PRELID2: variants seen among roughly 807,000 people sequenced by gnomAD.
PRELID2 encodes PRELI domain containing 2.
In PRELID2, 25 loss-of-function variants were observed where a neutral mutation model predicts 28.4. The observed-to-expected ratio is 0.88, with a 90% confidence interval of 0.64 to 1.23. PRELID2 has a LOEUF of 1.23. Among genes scored for constraint, PRELID2 ranks in the 50% most tolerant of loss-of-function variants. PRELID2 has a pLI of 0.00. For missense variants in PRELID2, 201 were observed against 214.4 expected (o/e 0.94, Z 0.39); for synonymous variants, 76 against 71.6 (o/e 1.06, Z -0.31).
the PRELID2 span, among the ~76,000 whole-genome samples, chr5:145,329,368 G>A: frequency 6.6e-6 from 1 of 152,076 alleles, no homozygotes; most frequent in Non-Finnish European, 1.5e-5. Flanking sequence ...AATTACTTTG[G>A]GCAGTATGGC....
intron 1 of PRELID2, among the ~76,000 whole-genome samples, chr5:145,522,216 G>A (rs1752568354): frequency 6.6e-6 from 1 of 151,972 alleles, no homozygotes; most frequent in South Asian, 2.1e-4. Flanking sequence ...CTTTCTTCAA[G>A]ACCATTTATT....
In PRELID2 at chr5:145,726,320, A is replaced by AG. The variant is rs879554703; in HGVS notation, n.70+38610_70+38611insC. 3.6e-3 allele frequency among the ~76,000 whole-genome samples: 515 copies of AG among 142,424 alleles called. 2 individuals carry two copies. The highest frequency in any genetic ancestry group is 0.013 in the African/African-American group (456 of 34,856). 93.4% of individuals were successfully genotyped at this position (142,424 alleles called of 152,430 possible). The stretch of plus-strand genomic sequence containing the variant: ...AAGAAAAAGAAAGAGAGAGAGAGAG[A>AG]AAGAGAGAAAGAGAAAGAAAAGGGA... On this transcript the variant is annotated intron_variant and non_coding_transcript_variant, in intron 1 of 2. Transcript: ENST00000510259.
intron 1 of PRELID2, among the ~76,000 whole-genome samples, chr5:145,546,584 TG>T (rs1355338392): frequency 6.6e-6 from 1 of 152,140 alleles, no homozygotes; most frequent in Non-Finnish European, 1.5e-5. Flanking sequence ...TACCAGAGAC[TG>T]TCTGGCCAGA....
chr5:145,488,742 G>A, intron 1 of PRELID2, among the ~76,000 whole-genome samples: 1 of 152,160 alleles, frequency 6.6e-6, no homozygotes, highest in Non-Finnish European at 1.5e-5. Context: ...ATACTAGGTA[G>A]TAATAGTTTT....
chr5:145,447,187 G>A, the PRELID2 span, among the ~76,000 whole-genome samples: 49 of 151,970 alleles, frequency 3.2e-4, 1 homozygote, highest in Middle Eastern at 0.024. Flanking sequence ...GAGCCAAAAG[G>A]AGAGATCTCT....
the PRELID2 span, among the ~76,000 whole-genome samples, chr5:145,394,403 A>AG: frequency 7.4e-6 from 1 of 135,750 alleles, no homozygotes. Flanking sequence ...TGGACACAGG[A>AG]GGGGGAACAT....
intron 1 of PRELID2, among the ~76,000 whole-genome samples, chr5:145,725,379 T>C (rs563921949): frequency 3.9e-5 from 6 of 152,312 alleles, no homozygotes; most frequent in African/African-American, 9.6e-5. Context: ...CCTTTAAGCA[T>C]TGCTAACAGG....
the PRELID2 span, among the ~76,000 whole-genome samples, chr5:145,362,268 A>T: frequency 6.6e-6 from 1 of 152,186 alleles, no homozygotes; most frequent in Non-Finnish European, 1.5e-5. Context: ...GCTGGAGGAC[A>T]GAGAAACTAA....
the PRELID2 span, among the ~76,000 whole-genome samples, chr5:145,437,883 T>A: frequency 6.6e-6 from 1 of 152,122 alleles, no homozygotes; most frequent in Non-Finnish European, 1.5e-5. Context: ...AGGCAGGAGA[T>A]GTATATCTCT....
At chr5:145,507,682 C>T (rs2126638491) in intron 1 of PRELID2, among the ~76,000 whole-genome samples, 1 of 152,230 alleles carries the variant, frequency 6.6e-6, no homozygotes, top group East Asian at 1.9e-4. Context: ...GCCTTTTTCA[C>T]TGGCTTTTGT....
the PRELID2 span, among the ~76,000 whole-genome samples, chr5:145,383,285 G>C: frequency 6.7e-6 from 1 of 149,852 alleles, no homozygotes; most frequent in South Asian, 2.1e-4. Flanking sequence ...ACACACATAC[G>C]TACATATATA....
chr5:145,825,587 C>T (rs976119089), intron 1 of PRELID2, among the ~76,000 whole-genome samples: 26 of 152,072 alleles, frequency 1.7e-4, no homozygotes, highest in African/African-American at 6.3e-4. Flanking sequence ...CTATAAAAGA[C>T]GTTGAAAATG....
the PRELID2 span, among the ~76,000 whole-genome samples, chr5:145,377,776 G>A: frequency 6.6e-6 from 1 of 152,096 alleles, no homozygotes; most frequent in Non-Finnish European, 1.5e-5. Context: ...CTTGAAAGCA[G>A]CATACCAATG....
the PRELID2 span, among the ~76,000 whole-genome samples, chr5:145,330,633 CT>C: frequency 3.9e-5 from 6 of 151,996 alleles, no homozygotes; most frequent in Non-Finnish European, 7.4e-5. Context: ...CCTTTATCAT[CT>C]TTTATTTTGT....
chr5:145,492,274 A>C (rs1380276594), intron 1 of PRELID2, among the ~76,000 whole-genome samples: 1 of 152,160 alleles, frequency 6.6e-6, no homozygotes, highest in Non-Finnish European at 1.5e-5. Flanking sequence ...CCTGATGATT[A>C]GTCATGTTGA....
intron 1 of PRELID2, among the ~76,000 whole-genome samples, chr5:145,603,924 AAATAG>A (rs747729791): frequency 1.5e-4 from 23 of 152,154 alleles, no homozygotes; most frequent in African/African-American, 5.5e-4. Context: ...CAGAATGATT[AAATAG>A]AATAGTCAAT....
chr5:145,716,157 T>C (rs1755837517), intron 1 of PRELID2, among the ~76,000 whole-genome samples: 1 of 152,196 alleles, frequency 6.6e-6, no homozygotes, highest in Non-Finnish European at 1.5e-5. Flanking sequence ...AGCCAAAAGA[T>C]TGGACACCCC....
chr5:145,743,319 G>A (rs914063912), intron 1 of PRELID2, among the ~76,000 whole-genome samples: 3 of 149,754 alleles, frequency 2.0e-5, no homozygotes, highest in African/African-American at 7.4e-5. Context: ...GCTGAGGCAG[G>A]AGAATTGCTT....
At position 145,579,853 on chromosome 5, in the gene PRELID2, C is replaced by T. The variant is rs76189450; in HGVS notation, n.71-106538G>A. Among the ~76,000 whole-genome samples, 79 of 152,100 alleles carry T rather than the reference C, an allele frequency of 5.2e-4. No individual in the cohort carries two copies. The East Asian group carries it at 0.013, about 25-fold the overall frequency. On this transcript the variant is annotated intron_variant and non_coding_transcript_variant, in intron 1 of 2. Transcript: ENST00000510259. ...GCATGTCATCTCTCTTATACTATCT[C>T]CCATTGGCTCCCCCAGTGTTTAAGG...
Sources: gnomAD v4.1 joint callset for allele counts (sites outside exome capture counted in the v4.1 genomes callset) on GRCh38, gnomAD v4.1.1 for gene constraint, MANE v1.5 for transcripts, NCBI Gene and HGNC (gene_info 2026-07-23, HGNC 2026-07-21) for gene names.